The following CALD1 variants were observed in gnomAD, a reference collection of about 807,000 sequenced individuals.
CALD1 encodes the protein caldesmon 1, also known as caldesmon.
Under a neutral mutation model 99.9 loss-of-function variants are expected in CALD1, and 33 were observed. The ratio of observed to expected loss-of-function variants is 0.33; its 90% CI spans 0.25 to 0.44. CALD1 has a LOEUF of 0.44. Among genes scored for constraint, CALD1 ranks in the 20% least tolerant of loss-of-function variants. The probability of loss-of-function intolerance (pLI) is 1.00; values close to 1 mark genes in which losing one functional copy is unlikely to be tolerated. For synonymous variants in CALD1, 310 were observed against 325.0 expected (o/e 0.95, Z 0.50); for missense variants, 861 against 962.1 (o/e 0.89, Z 1.39).
intron 7 of CALD1, among the ~76,000 whole-genome samples, chr7:134,946,058 T>C (rs114745973): frequency 6.5e-4 from 99 of 152,274 alleles, no homozygotes; most frequent in African/African-American, 2.3e-3. Flanking sequence ...AGTTAACCAG[T>C]AACTTACGGG....
At position 134,933,692 on chromosome 7, in the gene CALD1, G is replaced by A. The variant is rs1197357378; in HGVS notation, c.923G>A (p.Arg308Lys). 6.3e-7 allele frequency: 1 copy of A among 1,583,786 alleles called. No homozygotes were observed. The highest frequency in any genetic ancestry group is 8.6e-7 in the Non-Finnish European group (1 of 1,163,854). The change falls in exon 5 of 15, where the codon AGG (arginine) becomes AAG (lysine). Residue 308 changes from arginine (R) to lysine (K), a missense_variant. Coordinates refer to ENST00000361675, the MANE Select transcript of CALD1 (RefSeq NM_033138.4). ...AAAGCAGCTGCCCAAGAAAGAGAAA[G>A]GAGAGAGGCAGAAGAGAGGGAAAGG... is the stretch of plus-strand genomic sequence containing the variant. ...EEKAAAQERE[R>K]REAEERERMR...
In CALD1 at chr7:134,965,729, C is replaced by T. The variant is rs77954594; in HGVS notation, c.2376+343C>T. ...TAGTGCCACAGTCATTTAAAAATCA[C>T]TTGGGGAAAACATCTGTCTCCCTGA... On this transcript the variant is annotated intron_variant, in intron 14 of 14. Transcript: ENST00000361675. Among the ~76,000 whole-genome samples the T allele has an allele frequency of 1.4e-4, 22 of 151,936 alleles. No individual in the cohort carries two copies. In the East Asian group the frequency reaches 3.9e-3, roughly 27 times the overall value.
chr7:134,934,225 C>T (rs1397806605), intron 5 of CALD1, 148 bp downstream of exon 5: 1 of 1,203,592 alleles, frequency 8.3e-7, no homozygotes, highest in Non-Finnish European at 1.2e-6. Flanking sequence ...CATAGCGATA[C>T]ACAAGCATGC....
chr7:134,747,257 C>G (rs1260707391), intron 1 of CALD1, among the ~76,000 whole-genome samples: 1 of 152,020 alleles, frequency 6.6e-6, no homozygotes, highest in Non-Finnish European at 1.5e-5. Context: ...AGAAAGCAAG[C>G]CAGAAGAGTG....
chr7:134,791,990 G>A (rs756304728), intron 1 of CALD1, among the ~76,000 whole-genome samples: 29 of 152,222 alleles, frequency 1.9e-4, no homozygotes, highest in South Asian at 4.1e-4. Flanking sequence ...AACTGCCGCC[G>A]TGATTCAGTT....
intron 3 of CALD1, among the ~76,000 whole-genome samples, chr7:134,906,685 C>A (rs182124397): frequency 2.0e-5 from 3 of 152,264 alleles, no homozygotes; most frequent in African/African-American, 7.2e-5. Context: ...TTTAGCCTTA[C>A]AAATGAGAAA....
In CALD1 at chr7:134,947,454, G is replaced by C. The variant is rs796998724; in HGVS notation, c.1533-54G>C. The C allele has an allele frequency of 5.3e-6, 8 of 1,519,700 alleles. No homozygotes were observed. The African/African-American group carries it at 9.7e-5, about 18-fold the overall frequency. 94.1% of individuals were successfully genotyped at this position (1,519,700 alleles called of 1,614,324 possible). A position where few individuals can be genotyped will look rare whatever the true frequency, so the allele number is the denominator to read the frequency against. ...CGCAGACCGACCTCCCCTTCCTCCA[G>C]GGAGACTACAGGCAAAAGCATGTAA... On this transcript the variant is annotated intron_variant, in intron 7 of 14. Transcript: ENST00000361675.
chr7:134,968,399 G>T lies in CALD1; in HGVS notation c.*54G>T. Reference sequence around the variant, plus strand: ...GACGCAGGACGAGCTCAGTTGTAGAGGGCTAATTCGCTCTGTTTTGTATTT... The same window carrying T: ...GACGCAGGACGAGCTCAGTTGTAGATGGCTAATTCGCTCTGTTTTGTATTT... On this transcript the variant is annotated 3_prime_UTR_variant, in exon 15 of 15. Transcript: ENST00000361675. 6.5e-7 allele frequency: 1 copy of T among 1,540,186 alleles called. No homozygotes were observed. Among genetic ancestry groups the T allele is most frequent in the South Asian group, 1.1e-5 (1 of 89,434 alleles).
intron 3 of CALD1, among the ~76,000 whole-genome samples, chr7:134,889,286 G>C (rs1287106511): frequency 2.0e-5 from 3 of 152,126 alleles, no homozygotes. Context: ...GCTTCTAGAG[G>C]AAGTCACATT....
At chr7:134,759,224 T>G (rs1026276) in intron 1 of CALD1, among the ~76,000 whole-genome samples, 106,323 of 152,102 alleles carry the variant, frequency 0.7, 37,983 homozygotes, top group East Asian at 0.99. Context: ...TATTTACTGA[T>G]GCTCTCTTCT....
intron 6 of CALD1, among the ~76,000 whole-genome samples, chr7:134,939,729 G>A (rs369403287): frequency 1.2e-4 from 19 of 152,228 alleles, no homozygotes; most frequent in East Asian, 5.8e-4. Flanking sequence ...TTGGGAGGCC[G>A]AGGTGGGCAG....
chr7:134,747,699 C>T (rs952568795), intron 1 of CALD1, among the ~76,000 whole-genome samples: 3 of 152,222 alleles, frequency 2.0e-5, no homozygotes, highest in African/African-American at 4.8e-5. Context: ...GCTTAGGTGG[C>T]TCCAGTGCAG....
intron 13 of CALD1, among the ~76,000 whole-genome samples, chr7:134,963,629 T>C (rs185959906): frequency 2.0e-5 from 3 of 152,306 alleles, no homozygotes; most frequent in Admixed American, 1.3e-4. Context: ...GAAAAGTAAA[T>C]TGAAACAGAA....
At chr7:134,733,862 A>C in the CALD1 span, among the ~76,000 whole-genome samples, 1 of 151,362 alleles carries the variant, frequency 6.6e-6, no homozygotes, top group Non-Finnish European at 1.5e-5. Flanking sequence ...AAATGATATT[A>C]AATTATATAA....
chr7:134,807,541 A>C (rs1452915), intron 1 of CALD1, among the ~76,000 whole-genome samples: 91,089 of 151,984 alleles, frequency 0.6, 27,777 homozygotes, highest in East Asian at 0.91. Context: ...TAAACAGCTT[A>C]TTTTCCTTCA....
At chr7:134,935,614 G>C in intron 5 of CALD1, 74 bp from the exon 6 acceptor site, 1 of 1,530,206 alleles carries the variant, frequency 6.5e-7, no homozygotes, top group Non-Finnish European at 8.8e-7. Context: ...GGCGATCCGA[G>C]CACCCTGTCA....
upstream of CALD1, among the ~76,000 whole-genome samples, chr7:134,739,956 G>T (rs1796579636): frequency 6.6e-6 from 1 of 150,868 alleles, no homozygotes; most frequent in South Asian, 2.1e-4. Context: ...TAATCTAGAT[G>T]TAGAAATTGA....
chr7:134,838,922 A>G (rs1490308475), intron 1 of CALD1, among the ~76,000 whole-genome samples: 1 of 152,206 alleles, frequency 6.6e-6, no homozygotes, highest in Non-Finnish European at 1.5e-5. Context: ...TCTAAAAATA[A>G]TCTTTTTAAT....
chr7:134,725,958 C>G, the CALD1 span, among the ~76,000 whole-genome samples: 1 of 152,182 alleles, frequency 6.6e-6, no homozygotes, highest in Non-Finnish European at 1.5e-5. Context: ...CCTGATGACA[C>G]TTTGCTTTCA....
Sources: allele counts gnomAD v4.1 joint callset (sites outside exome capture counted in the v4.1 genomes callset), GRCh38; gene constraint gnomAD v4.1.1; transcripts MANE v1.5; gene names NCBI Gene and HGNC (gene_info 2026-07-23, HGNC 2026-07-21).